SRSF12: variants seen among roughly 807,000 people sequenced by gnomAD.
The protein encoded by SRSF12 is serine/arginine-rich splicing factor 12.
In SRSF12, 21 loss-of-function variants were observed where a neutral mutation model predicts 34.1. The observed-to-expected ratio is 0.62, with a 90% CI of 0.44 to 0.89. The LOEUF (loss-of-function observed/expected upper bound fraction) is 0.89, where lower values mean the gene tolerates loss of function less well. SRSF12 is among the 40% of genes least tolerant of loss of function. SRSF12 has a pLI of 0.00. For missense variants in SRSF12, 278 were observed against 327.8 expected (o/e 0.85, Z 1.17); for synonymous variants, 111 against 110.8 (o/e 1.00, Z -0.01).
rs562744363 is a variant in SRSF12, at chr6:89,118,047, A to AG, written c.-161dup. ...CGCGCAGCCGCAGAGGCCGGCGCAGAGGGGGCGCAGCGCGGCGCCAGCCTG... is the reference window on the plus strand; with the variant it reads ...CGCGCAGCCGCAGAGGCCGGCGCAGAGGGGGGCGCAGCGCGGCGCCAGCCTG... On this transcript the variant is annotated 5_prime_UTR_variant, in exon 1 of 5. Coordinates refer to ENST00000452027, the MANE Select transcript of SRSF12 (RefSeq NM_080743.5). 1 of 487,282 alleles carries AG rather than the reference A, an allele frequency of 2.1e-6. No homozygotes were observed. The highest frequency in any genetic ancestry group is 6.3e-5 in the East Asian group (1 of 15,972). The allele number at this position is 487,282 out of a possible 1,614,324, so 30.2% of individuals were successfully genotyped here. A position where few individuals can be genotyped will look rare whatever the true frequency, so the allele number is the denominator to read the frequency against.
intron 4 of SRSF12, among the ~76,000 whole-genome samples, chr6:89,103,687 T>C (rs1768643631): frequency 6.6e-6 from 1 of 151,924 alleles, no homozygotes; most frequent in South Asian, 2.1e-4. Flanking sequence ...CTTGAACTCC[T>C]GACCTCAAGT....
intron 4 of SRSF12, 120 bp from the exon 5 acceptor site, chr6:89,099,067 A>G: frequency 1.6e-6 from 2 of 1,227,344 alleles, no homozygotes; most frequent in Non-Finnish European, 2.2e-6. Context: ...AGATAAGCTA[A>G]AAAAATTTCT....
At chr6:89,116,544 C>A (rs1408312385) in intron 1 of SRSF12, among the ~76,000 whole-genome samples, 1 of 152,012 alleles carries the variant, frequency 6.6e-6, no homozygotes, top group Admixed American at 6.6e-5. Context: ...GGAGGCCGAG[C>A]TGGGCGGATC....
intron 4 of SRSF12, 131 bp downstream of exon 4, chr6:89,104,988 C>G: frequency 1.1e-6 from 1 of 876,766 alleles, no homozygotes; most frequent in Non-Finnish European, 1.6e-6. Context: ...TCTAGGAGGT[C>G]AAGTCTACAG....
At chr6:89,110,576 C>T (rs941594212) in intron 1 of SRSF12, among the ~76,000 whole-genome samples, 1 of 152,086 alleles carries the variant, frequency 6.6e-6, no homozygotes, top group East Asian at 1.9e-4. Flanking sequence ...ATCTGTAATA[C>T]AGTGCAAAGG....
At position 89,097,347 on chromosome 6, in the gene SRSF12, T is replaced by G. The variant is rs1768315695; in HGVS notation, c.*1231A>C. The stretch of plus-strand genomic sequence containing the variant: ...TCTATCACAAACACTACCAAAACCC[T>G]TTGAAAAACATAAACTACAACACAT... On this transcript the variant is annotated 3_prime_UTR_variant, in exon 5 of 5. Coordinates refer to ENST00000452027, the MANE Select transcript of SRSF12 (RefSeq NM_080743.5). 6.6e-6 allele frequency: 1 copy of G among 152,092 alleles called. No homozygotes were observed. The highest frequency in any genetic ancestry group is 6.6e-5 in the Admixed American group (1 of 15,252). The allele number at this position is 152,092 out of a possible 1,614,324, so 9.4% of individuals were successfully genotyped here.
chr6:89,098,973 A>G, intron 4 of SRSF12, 26 bp from the exon 5 acceptor site: 1 of 1,577,354 alleles, frequency 6.3e-7, no homozygotes. Context: ...ATGTTAGAGC[A>G]TATATTTCAC....
rs1215189994 is a variant in SRSF12 at position 89,097,154 on chromosome 6, C to T, written c.*1424G>A. On this transcript the variant is annotated 3_prime_UTR_variant, in exon 5 of 5. Coordinates refer to ENST00000452027, the MANE Select transcript of SRSF12 (RefSeq NM_080743.5). ...GTATTCAAAACAAATAGAAGCAACA[C>T]TGGCTCCTATATACTAAAAATATAA... is the stretch of plus-strand genomic sequence containing the variant. The T allele has an allele frequency of 6.6e-6, 1 of 152,148 alleles. No homozygotes were observed. The highest frequency in any genetic ancestry group is 1.5e-5 in the Non-Finnish European group (1 of 68,034). The allele number at this position is 152,148 out of a possible 1,614,324, so 9.4% of individuals were successfully genotyped here.
chr6:89,108,866 A>G (rs1337662911), intron 1 of SRSF12, among the ~76,000 whole-genome samples: 1 of 152,218 alleles, frequency 6.6e-6, no homozygotes, highest in Non-Finnish European at 1.5e-5. Flanking sequence ...GAAATTACAT[A>G]TAAGATTCAA....
At chr6:89,114,477 C>A (rs944616318) in intron 1 of SRSF12, among the ~76,000 whole-genome samples, 1 of 151,874 alleles carries the variant, frequency 6.6e-6, no homozygotes. Flanking sequence ...AGGGTTACTG[C>A]GAAAATTTAA....
rs770928653 is a variant in SRSF12, at chr6:89,105,125, A to G, written c.410T>C (p.Leu137Pro). The change falls in exon 4 of 5, where the codon CTT (leucine) becomes CCT (proline). Residue 137 changes from leucine to proline, a missense_variant. Coordinates refer to ENST00000452027, the MANE Select transcript of SRSF12 (RefSeq NM_080743.5). ...WGRNRRRSDSLKESRHRRFSY... is the reference protein window; with the variant it reads ...WGRNRRRSDSPKESRHRRFSY... Reference sequence around the variant, plus strand: ...TCAGTCCTCTTATACTCACTCTTTAAGGCTGTCTGACCGCCTCCTATTTCT... The same window carrying G: ...TCAGTCCTCTTATACTCACTCTTTAGGGCTGTCTGACCGCCTCCTATTTCT... 1 of 1,611,630 alleles carries G rather than the reference A, an allele frequency of 6.2e-7. No homozygotes were observed.
intron 4 of SRSF12, among the ~76,000 whole-genome samples, chr6:89,099,437 T>TACACAC (rs1473826633): frequency 3.8e-5 from 5 of 131,606 alleles, no homozygotes; most frequent in Admixed American, 1.6e-4. Context: ...TGTGTATATA[T>TACACAC]ATACACATAT....
rs182761273 is a variant in SRSF12 at position 89,114,588 on chromosome 6, T to C, written c.65+3235A>G. On this transcript the variant is annotated intron_variant, in intron 1 of 4. Transcript: ENST00000452027. ...TATAATCTTGTAGATTTTGATTGTC[T>C]GCCAGTGGCAAAGCTAAAAAAAAAA... Among the ~76,000 whole-genome samples the C allele has an allele frequency of 6.5e-3, 985 of 150,824 alleles. 12 individuals are homozygous for C. The highest frequency in any genetic ancestry group is 0.023 in the African/African-American group (938 of 40,586).
chr6:89,115,828 G>A (rs1434411780), intron 1 of SRSF12, among the ~76,000 whole-genome samples: 1 of 150,688 alleles, frequency 6.6e-6, no homozygotes, highest in Admixed American at 6.6e-5. Context: ...GTAGAGACGG[G>A]GTTTCATCGT....
intron 1 of SRSF12, among the ~76,000 whole-genome samples, chr6:89,111,422 G>C (rs1180756702): frequency 6.6e-6 from 1 of 152,142 alleles, no homozygotes; most frequent in Non-Finnish European, 1.5e-5. Flanking sequence ...TATGGTAAAT[G>C]CAACTGTTTT....
At chr6:89,099,241 C>T (rs796989012) in intron 4 of SRSF12, among the ~76,000 whole-genome samples, 8 of 151,040 alleles carry the variant, frequency 5.3e-5, no homozygotes, top group South Asian at 2.1e-4. Flanking sequence ...TTAAGAGGTA[C>T]AAAAATCTGA....
At chr6:89,115,571 C>G (rs1467325435) in intron 1 of SRSF12, among the ~76,000 whole-genome samples, 1 of 151,934 alleles carries the variant, frequency 6.6e-6, no homozygotes, top group Admixed American at 6.6e-5. Flanking sequence ...CGTGAGCCAC[C>G]GCGCCCAGCC....
At chr6:89,103,378 G>T (rs546877642) in intron 4 of SRSF12, among the ~76,000 whole-genome samples, 7 of 151,610 alleles carry the variant, frequency 4.6e-5, no homozygotes. Context: ...ACCCAGGCTG[G>T]AGAGCAGTGG....
intron 4 of SRSF12, among the ~76,000 whole-genome samples, chr6:89,102,765 G>C (rs1768596223): frequency 6.8e-6 from 1 of 146,874 alleles, no homozygotes; most frequent in Admixed American, 6.7e-5. Flanking sequence ...TTATTTATTT[G>C]TTGTGAGACA....
Sources: gnomAD v4.1 joint callset for allele counts (sites outside exome capture counted in the v4.1 genomes callset) on GRCh38, gnomAD v4.1.1 for gene constraint, MANE v1.5 for transcripts, NCBI Gene and HGNC (gene_info 2026-07-23, HGNC 2026-07-21) for gene names.